NKIRAS2: variants seen among roughly 807,000 people sequenced by gnomAD.
The protein encoded by NKIRAS2 is NF-kappa-B inhibitor-interacting Ras-like protein 2.
NKIRAS2 carries 15 observed loss-of-function variants against 20.7 expected under a neutral mutation model. The ratio of observed to expected loss-of-function variants is 0.73; its 90% CI spans 0.49 to 1.12. The LOEUF (loss-of-function observed/expected upper bound fraction) is 1.12, where lower values mean the gene tolerates loss of function less well. NKIRAS2 is among the 50% of genes most tolerant of loss of function. The pLI, the probability that NKIRAS2 is intolerant of heterozygous loss-of-function variation, is 0.00. For missense variants in NKIRAS2, 196 were observed against 249.6 expected (o/e 0.79, Z 1.45); for synonymous variants, 116 against 101.4 (o/e 1.14, Z -0.87).
chr17:42,021,758 T>C, intron 2 of NKIRAS2, 87 bp downstream of exon 2: 2 of 1,257,194 alleles, frequency 1.6e-6, no homozygotes, highest in Non-Finnish European at 1.2e-6. Flanking sequence ...GGCTAAAAGC[T>C]GCTCCTGGTG....
chr17:42,023,250 C>T (rs2052500778), intron 3 of NKIRAS2: 1 of 230,100 alleles, frequency 4.3e-6, no homozygotes, highest in South Asian at 4.7e-5. Context: ...CCACCTGCCT[C>T]AGCCTCCCAA....
upstream of NKIRAS2, chr17:42,017,578 A>G: frequency 1.1e-6 from 1 of 893,210 alleles, no homozygotes; most frequent in Non-Finnish European, 1.7e-6. Flanking sequence ...CCGCCCCCGG[A>G]TGTCCACGGT....
intron 3 of NKIRAS2, 44 bp from the exon 4 acceptor site, chr17:42,023,610 T>G (rs782661361): frequency 1.3e-5 from 21 of 1,582,560 alleles, no homozygotes; most frequent in Non-Finnish European, 1.8e-5. Context: ...CATTCCTGGT[T>G]CTATGGTACA....
chr17:42,022,035 C>A, intron 2 of NKIRAS2: 1 of 482,656 alleles, frequency 2.1e-6, no homozygotes, highest in Non-Finnish European at 4.0e-6. Context: ...CTTGGAGAAA[C>A]CCTGTCTCTA....
chr17:42,022,323 CA>C lies in NKIRAS2; in HGVS notation c.95-75del. On this transcript the variant is annotated intron_variant, in intron 2 of 3. Transcript: ENST00000393885. ...CTACATTCCTTTCTCCCCATTTGGT[CA>C]GCCTTAAGATGCTCTCATCACTCAC... The C allele has an allele frequency of 2.7e-6, 4 of 1,466,226 alleles. No homozygotes were observed. The South Asian group carries it at 5.5e-5, about 20-fold the overall frequency. The allele number at this position is 1,466,226 out of a possible 1,614,324, so 90.8% of individuals were successfully genotyped here. A position where few individuals can be genotyped will look rare whatever the true frequency, so the allele number is the denominator to read the frequency against.
intron 1 of NKIRAS2, 70 bp from the exon 2 acceptor site, chr17:42,021,494 C>T (rs910676306): frequency 6.9e-6 from 9 of 1,308,444 alleles, no homozygotes; most frequent in Non-Finnish European, 9.9e-6. Context: ...CAGAAAACAT[C>T]TGCTAGTAAC....
chr17:42,024,214 G>A lies in NKIRAS2; in HGVS notation c.*321G>A, dbSNP rs1250438916. ...GGAAGCAGAGTCACCACGCAGCAGT[G>A]TCCCTTCTTGGGTCTGAGTTCCTAT... On this transcript the variant is annotated 3_prime_UTR_variant, in exon 4 of 4. Coordinates refer to ENST00000393885, the MANE Select transcript of NKIRAS2 (RefSeq NM_017595.6). 5.7e-6 allele frequency: 2 copies of A among 353,912 alleles called. No homozygotes were observed. The highest frequency in any genetic ancestry group is 1.1e-5 in the Non-Finnish European group (2 of 187,404). The allele number at this position is 353,912 out of a possible 1,614,324, so 21.9% of individuals were successfully genotyped here.
chr17:42,018,014 G>A (rs1555652301), upstream of NKIRAS2, among the ~76,000 whole-genome samples: 2 of 152,106 alleles, frequency 1.3e-5, no homozygotes, highest in East Asian at 3.9e-4. Flanking sequence ...ACACCAACTG[G>A]TTCATCACCC....
rs1413320593 is a variant in NKIRAS2, at chr17:42,025,245, A to G, written c.*1352A>G. On this transcript the variant is annotated 3_prime_UTR_variant, in exon 4 of 4. Coordinates refer to ENST00000393885, the MANE Select transcript of NKIRAS2 (RefSeq NM_017595.6). ...ATAAGTTACCTGTATTTATATTTAT[A>G]TGCCCGCTCTCATGGTGAAGGCTGG... 4 of 152,652 alleles carry G rather than the reference A, an allele frequency of 2.6e-5. No individual in the cohort carries two copies. Among genetic ancestry groups the G allele is most frequent in the Admixed American group, 6.5e-5 (1 of 15,276 alleles). The allele number at this position is 152,652 out of a possible 1,614,324, so 9.5% of individuals were successfully genotyped here.
intron 1 of NKIRAS2, 144 bp from the exon 2 acceptor site, chr17:42,021,420 C>A: frequency 1.5e-6 from 1 of 646,636 alleles, no homozygotes; most frequent in East Asian, 2.7e-5. Context: ...ACTATACATT[C>A]AGTTTAGAAC....
rs1555653054 is a variant in NKIRAS2, at chr17:42,021,641, G to C, written c.64G>C (p.Glu22Gln). 16 of 1,614,160 alleles carry C rather than the reference G, an allele frequency of 9.9e-6. No homozygotes were observed. Among genetic ancestry groups the C allele is most frequent in the Non-Finnish European group, 1.4e-5 (16 of 1,180,012 alleles). Residue 22 changes from glutamate to glutamine, a missense_variant, in exon 2 of 4, where the codon GAG (glutamate) becomes CAG (glutamine). Coordinates refer to ENST00000393885, the MANE Select transcript of NKIRAS2 (RefSeq NM_017595.6). Reference protein sequence around the residue: ...QASVGKTSILEQLLYGNHVVG... With the variant: ...QASVGKTSILQQLLYGNHVVG... ...GTCTGTGGGCAAAACTTCAATCCTG[G>C]AGCAGCTTCTGTATGGGAACCATGT...
Position 42,022,601 on chromosome 17 carries a change from G to A in NKIRAS2, c.297G>A (p.Leu99=). 6.2e-7 allele frequency: 1 copy of A among 1,613,898 alleles called. No individual in the cohort carries two copies. Among genetic ancestry groups the A allele is most frequent in the Non-Finnish European group, 8.5e-7 (1 of 1,179,840 alleles). Residue 99 remains leucine (L), a synonymous_variant, in exon 3 of 4, where the codon CTG becomes CTA. Coordinates refer to ENST00000393885, the MANE Select transcript of NKIRAS2 (RefSeq NM_017595.6). ...GAGAGTCTTTTCAGCGTGTGGAGCT[G>A]CTCAAGAAGGAGATTGACAAATCCA... The part of the protein sequence containing the change: ...DSRESFQRVE[L]LKKEIDKSKD...
intron 3 of NKIRAS2, 62 bp from the exon 4 acceptor site, chr17:42,023,592 C>T (rs2052508699): frequency 6.5e-7 from 1 of 1,529,140 alleles, no homozygotes; most frequent in Admixed American, 1.8e-5. Context: ...GTTGCCAGCC[C>T]CCATGTCCAT....
rs781892697 is a variant in NKIRAS2, at chr17:42,022,451, A to G, written c.147A>G (p.Thr49=). 1 of 1,608,382 alleles carries G rather than the reference A, an allele frequency of 6.2e-7. No individual in the cohort carries two copies. Among genetic ancestry groups the G allele is most frequent in the Non-Finnish European group, 8.5e-7 (1 of 1,175,218 alleles). ...QEDIYVGSIE[T]DRGVREQVRF... ...ACATCTACGTGGGCTCCATTGAGAC[A>G]GACCGGGGGGTGCGAGAGCAGGTGC... The change falls in exon 3 of 4, where the codon ACA becomes ACG. Residue 49 remains threonine, a synonymous_variant. Transcript: ENST00000393885.
In NKIRAS2 at chr17:42,024,150, G is replaced by A; in HGVS notation, c.*257G>A. The A allele has an allele frequency of 2.1e-6, 1 of 481,882 alleles. No homozygotes were observed. Among genetic ancestry groups the A allele is most frequent in the South Asian group, 2.1e-5 (1 of 46,594 alleles). The allele number at this position is 481,882 out of a possible 1,614,324, so 29.9% of individuals were successfully genotyped here. Reference sequence around the variant, plus strand: ...AGGATCTGCTCCACTGTCTCCTGGGGCAGTTGTGGGTCACTGTCCCTTCCA... The same window carrying A: ...AGGATCTGCTCCACTGTCTCCTGGGACAGTTGTGGGTCACTGTCCCTTCCA... On this transcript the variant is annotated 3_prime_UTR_variant, in exon 4 of 4. Transcript: ENST00000393885.
At chr17:42,021,722 A>C (rs368956583) in intron 2 of NKIRAS2, 51 bp downstream of exon 2, 212 of 1,515,820 alleles carry the variant, frequency 1.4e-4, no homozygotes, top group Non-Finnish European at 4.4e-5. Flanking sequence ...AAAAATAAGG[A>C]ATAGGACTTG....
upstream of NKIRAS2, chr17:42,017,689 C>CT (rs2052345486): frequency 1.8e-6 from 1 of 561,764 alleles, no homozygotes; most frequent in African/African-American, 1.9e-5. Flanking sequence ...GGTAGCCTCT[C>CT]TAGGGCTTGG....
chr17:42,019,895 G>A (rs2052397115), upstream of NKIRAS2, among the ~76,000 whole-genome samples: 1 of 152,260 alleles, frequency 6.6e-6, no homozygotes, highest in African/African-American at 2.4e-5. Context: ...CTGGGCCTCA[G>A]AGACACCAGA....
chr17:42,021,723 A>C (rs782670940), intron 2 of NKIRAS2, 52 bp downstream of exon 2: 1 of 1,498,298 alleles, frequency 6.7e-7, no homozygotes, highest in Non-Finnish European at 9.3e-7. Context: ...AAAATAAGGA[A>C]TAGGACTTGA....
Sources: allele counts gnomAD v4.1 joint callset (sites outside exome capture counted in the v4.1 genomes callset), GRCh38; gene constraint gnomAD v4.1.1; transcripts MANE v1.5; gene names NCBI Gene and HGNC (gene_info 2026-07-23, HGNC 2026-07-21).